Variants in MAGI1 observed in about 807,000 individuals in gnomAD.
MAGI1 encodes the protein membrane-associated guanylate kinase, WW and PDZ domain-containing protein 1.
Under a neutral mutation model 139.9 loss-of-function variants are expected in MAGI1, and 58 were observed. That is an observed-to-expected ratio of 0.41 (90% CI 0.34 to 0.52). The LOEUF (loss-of-function observed/expected upper bound fraction) is 0.52, where lower values mean the gene tolerates loss of function less well. Among genes scored for constraint, MAGI1 ranks in the 20% least tolerant of loss-of-function variants. MAGI1 has a pLI of 0.12. For synonymous variants in MAGI1, 812 were observed against 737.9 expected, an observed-to-expected ratio of 1.10 and a Z score of -1.63; for missense variants, 1,874 against 1,901.6, an observed-to-expected ratio of 0.99 and a Z score of 0.27.
Position 65,397,529 on chromosome 3 carries a change from A to ATTT in MAGI1, c.2199+3907_2199+3909dup, listed in dbSNP as rs567332426. On this transcript the variant is annotated intron_variant, in intron 13 of 22. Transcript: ENST00000402939. ...CCTCTATATAAAAACTTTTTGTAGG[A>ATTT]TTTTTTTTTTTTTTTAGTGAACAGG... Among the ~76,000 whole-genome samples, 248 of 141,370 alleles carry ATTT rather than the reference A, an allele frequency of 1.8e-3. 1 individual carries two copies. Among genetic ancestry groups the ATTT allele is most frequent in the African/African-American group, 6.3e-3 (242 of 38,674 alleles). 92.7% of individuals were successfully genotyped at this position (141,370 alleles called of 152,430 possible).
At chr3:65,468,401 CAG>C (rs1193906465) in intron 5 of MAGI1, among the ~76,000 whole-genome samples, 9 of 105,442 alleles carry the variant, frequency 8.5e-5, no homozygotes, top group South Asian at 3.2e-4. Context: ...TTTTTTGAGA[CAG>C]AGTCTTGCTC....
At chr3:65,773,555 G>C (rs900101251) in intron 1 of MAGI1, among the ~76,000 whole-genome samples, 2 of 151,956 alleles carry the variant, frequency 1.3e-5, no homozygotes, top group Non-Finnish European at 2.9e-5. Context: ...AAAAAGAGTG[G>C]GGGTGGGATC....
At chr3:65,617,547 C>A (rs1347135179) in intron 2 of MAGI1, among the ~76,000 whole-genome samples, 1 of 152,096 alleles carries the variant, frequency 6.6e-6, no homozygotes, top group African/African-American at 2.4e-5. Context: ...GATATCTAGA[C>A]TACAATTAAG....
At chr3:65,610,154 C>A (rs763775022) in intron 2 of MAGI1, among the ~76,000 whole-genome samples, 35 of 152,098 alleles carry the variant, frequency 2.3e-4, no homozygotes, top group Non-Finnish European at 3.4e-4. Context: ...TAAGAAGTTA[C>A]AAAATTCCCC....
chr3:65,428,758 TA>T, intron 12 of MAGI1, among the ~76,000 whole-genome samples: 1 of 152,240 alleles, frequency 6.6e-6, no homozygotes, highest in South Asian at 2.1e-4. Flanking sequence ...CGTCTTGTGC[TA>T]AAAAGGTGAT....
chr3:65,983,098 G>C (rs930214368), intron 1 of MAGI1, among the ~76,000 whole-genome samples: 8 of 151,944 alleles, frequency 5.3e-5, no homozygotes, highest in African/African-American at 1.7e-4. Context: ...TTTTGTTTTT[G>C]TTGAAATGGG....
At chr3:65,419,229 C>CACACACACACACACACACACACACACAT (rs1161672999) in intron 12 of MAGI1, among the ~76,000 whole-genome samples, 5 of 144,716 alleles carry the variant, frequency 3.5e-5, no homozygotes, top group Non-Finnish European at 7.5e-5. Context: ...CATACACACA[C>CACACACACACACACACACACACACACAT]ACACACACAC....
intron 1 of MAGI1, among the ~76,000 whole-genome samples, chr3:65,710,997 T>C (rs1489089401): frequency 1.3e-5 from 2 of 152,180 alleles, no homozygotes; most frequent in Non-Finnish European, 2.9e-5. Flanking sequence ...CTCATCCCAC[T>C]AGATGGGTCT....
intron 1 of MAGI1, among the ~76,000 whole-genome samples, chr3:65,931,393 GA>G (rs1326801557): frequency 1.3e-5 from 2 of 152,120 alleles, no homozygotes; most frequent in Admixed American, 1.3e-4. Context: ...GTTCTTATGT[GA>G]GATCCAAGAA....
Position 65,915,948 on chromosome 3 carries a change from C to G in MAGI1, c.313+122048G>C, listed in dbSNP as rs1366699339. ...TATTATCATTTCTGTGTAAGAAATA[C>G]ATATACATTTATATGATACATATAT... On this transcript the variant is annotated intron_variant, in intron 1 of 22. Coordinates refer to ENST00000402939, the MANE Select transcript of MAGI1 (RefSeq NM_001033057.2). 2.7e-5 allele frequency among the ~76,000 whole-genome samples: 4 copies of G among 150,160 alleles called. No homozygotes were observed. In the East Asian group the frequency reaches 7.8e-4, roughly 29 times the overall value.
At chr3:65,858,051 G>T (rs1159567913) in intron 1 of MAGI1, among the ~76,000 whole-genome samples, 1 of 152,136 alleles carries the variant, frequency 6.6e-6, no homozygotes, top group Non-Finnish European at 1.5e-5. Context: ...TGAGGCTGCA[G>T]TGAGCCAACA....
intron 1 of MAGI1, among the ~76,000 whole-genome samples, chr3:66,015,526 C>T (rs2067587251): frequency 6.6e-6 from 1 of 152,000 alleles, no homozygotes; most frequent in African/African-American, 2.4e-5. Flanking sequence ...ATGATTATAA[C>T]ACATTTCATA....
intron 1 of MAGI1, among the ~76,000 whole-genome samples, chr3:65,838,954 G>A (rs1229335939): frequency 1.3e-5 from 2 of 152,106 alleles, no homozygotes; most frequent in Non-Finnish European, 2.9e-5. Context: ...GTCTTAATTT[G>A]CATTTCCCTA....
At chr3:66,014,240 C>A (rs371109798) in intron 1 of MAGI1, among the ~76,000 whole-genome samples, 1 of 152,128 alleles carries the variant, frequency 6.6e-6, no homozygotes, top group East Asian at 1.9e-4. Context: ...CCAAACAAAC[C>A]GAGACATATG....
At chr3:65,448,599 T>C (rs1948819148) in intron 6 of MAGI1, among the ~76,000 whole-genome samples, 2 of 152,090 alleles carry the variant, frequency 1.3e-5, no homozygotes, top group South Asian at 2.1e-4. Flanking sequence ...GCTGGAAAGA[T>C]GAATTACGTC....
chr3:65,388,802 A>G lies in MAGI1; in HGVS notation c.2416+2340T>C, dbSNP rs1943655960. Among the ~76,000 whole-genome samples, 4 of 151,796 alleles carry G rather than the reference A, an allele frequency of 2.6e-5. No homozygotes were observed. The South Asian group carries it at 6.3e-4, about 24-fold the overall frequency. On this transcript the variant is annotated intron_variant, in intron 14 of 22. Coordinates refer to ENST00000402939, the MANE Select transcript of MAGI1 (RefSeq NM_001033057.2). ...CTATCCGATTCCTTAGATGTTAAAG[A>G]AAGTGAAGGAACAAAACTGGCACCA...
intron 1 of MAGI1, among the ~76,000 whole-genome samples, chr3:65,837,554 C>T (rs756854494): frequency 6.6e-6 from 1 of 152,210 alleles, no homozygotes; most frequent in Admixed American, 6.6e-5. Flanking sequence ...AAATATGCCA[C>T]GACCCCACCC....
At chr3:65,751,930 T>C (rs2036185411) in intron 1 of MAGI1, among the ~76,000 whole-genome samples, 1 of 152,174 alleles carries the variant, frequency 6.6e-6, no homozygotes, top group African/African-American at 2.4e-5. Flanking sequence ...CTTAAAGATA[T>C]CGTCTGATTT....
intron 1 of MAGI1, among the ~76,000 whole-genome samples, chr3:65,689,193 T>C (rs938153119): frequency 1.3e-5 from 2 of 152,204 alleles, no homozygotes; most frequent in African/African-American, 4.8e-5. Flanking sequence ...TTGAACAATC[T>C]TTTTACTTGA....
Sources: gnomAD v4.1 joint callset for allele counts (sites outside exome capture counted in the v4.1 genomes callset) on GRCh38, gnomAD v4.1.1 for gene constraint, MANE v1.5 for transcripts, NCBI Gene and HGNC (gene_info 2026-07-23, HGNC 2026-07-21) for gene names.